Variants in DGKB observed in about 807,000 individuals in gnomAD.
DGKB encodes the protein diacylglycerol kinase beta.
A neutral mutation model predicts 114.3 loss-of-function variants in DGKB; 67 were observed. The ratio of observed to expected loss-of-function variants is 0.59; its 90% CI spans 0.48 to 0.72. The LOEUF (loss-of-function observed/expected upper bound fraction) is 0.72, where lower values mean the gene tolerates loss of function less well. Ranked by LOEUF, DGKB falls within the 30% of genes least tolerant of loss-of-function variation. DGKB has a pLI of 0.00. For missense variants in DGKB, 907 were observed against 975.2 expected (o/e 0.93, Z 0.93); for synonymous variants, 398 against 323.1 (o/e 1.23, Z -2.49).
intron 2 of DGKB, among the ~76,000 whole-genome samples, chr7:14,770,004 G>A (rs1421423539): frequency 6.6e-6 from 1 of 151,982 alleles, no homozygotes; most frequent in African/African-American, 2.4e-5. Flanking sequence ...ACAGTATCCA[G>A]GGCTTAGGAT....
chr7:14,669,157 A>G (rs932957163), intron 13 of DGKB, among the ~76,000 whole-genome samples: 1 of 152,146 alleles, frequency 6.6e-6, no homozygotes, highest in African/African-American at 2.4e-5. Flanking sequence ...AAACAGAAGT[A>G]TTATATCTTT....
chr7:14,871,272 T>C (rs1852412066), intron 1 of DGKB, among the ~76,000 whole-genome samples: 1 of 152,160 alleles, frequency 6.6e-6, no homozygotes, highest in Non-Finnish European at 1.5e-5. Flanking sequence ...TTAAAATCCA[T>C]TCTTTTAGCA....
chr7:14,256,488 G>C (rs925798617), intron 23 of DGKB, among the ~76,000 whole-genome samples: 2 of 150,922 alleles, frequency 1.3e-5, no homozygotes, highest in Non-Finnish European at 3.0e-5. Flanking sequence ...ATTTCATTTT[G>C]ATAGTTTAGA....
chr7:14,276,571 T>A (rs964242571), intron 23 of DGKB, among the ~76,000 whole-genome samples: 1 of 152,050 alleles, frequency 6.6e-6, no homozygotes, highest in Admixed American at 6.6e-5. Flanking sequence ...ATCATATGCA[T>A]GTTAGAAAAA....
chr7:14,300,905 G>A (rs1224737842), intron 23 of DGKB, among the ~76,000 whole-genome samples: 1 of 152,054 alleles, frequency 6.6e-6, no homozygotes, highest in Non-Finnish European at 1.5e-5. Flanking sequence ...TTAGACATTG[G>A]TTTATCAGTC....
chr7:14,618,288 A>T (rs2128809037), intron 15 of DGKB, among the ~76,000 whole-genome samples: 1 of 151,802 alleles, frequency 6.6e-6, no homozygotes, highest in East Asian at 1.9e-4. Flanking sequence ...AATAAGGAAG[A>T]TAAAATAAAG....
intron 2 of DGKB, among the ~76,000 whole-genome samples, chr7:14,828,659 C>T (rs1413237759): frequency 1.3e-5 from 2 of 152,048 alleles, no homozygotes; most frequent in Non-Finnish European, 2.9e-5. Context: ...TGCTTGGGTT[C>T]TGGCAGTAAC....
intron 20 of DGKB, among the ~76,000 whole-genome samples, chr7:14,560,139 T>C (rs755538121): frequency 2.0e-5 from 3 of 152,170 alleles, no homozygotes; most frequent in Non-Finnish European, 4.4e-5. Context: ...AATATTTATA[T>C]TTAGTCTTTC....
At chr7:14,449,598 C>CT (rs1411722159) in intron 21 of DGKB, among the ~76,000 whole-genome samples, 1 of 152,038 alleles carries the variant, frequency 6.6e-6, no homozygotes, top group Non-Finnish European at 1.5e-5. Flanking sequence ...TAACCACCTA[C>CT]TACTTTCAAT....
chr7:14,285,036 A>C (rs1054600401), intron 23 of DGKB, among the ~76,000 whole-genome samples: 5 of 151,696 alleles, frequency 3.3e-5, no homozygotes, highest in African/African-American at 9.7e-5. Context: ...AAAATAATAA[A>C]AAAAAGAAAT....
rs184073171 is a variant in DGKB, at chr7:14,602,113, A to G, written c.1433+5321T>C. 3.3e-5 allele frequency among the ~76,000 whole-genome samples: 5 copies of G among 152,302 alleles called. No homozygotes were observed. The East Asian group carries it at 9.7e-4, about 29-fold the overall frequency. The stretch of plus-strand genomic sequence containing the variant: ...TCTGTCTTAGTCCATTCTAGCAGCT[A>G]TAACAAACTACTTTAGTCTGTAAAG... On this transcript the variant is annotated intron_variant, in intron 17 of 25. Coordinates refer to ENST00000402815, the MANE Select transcript of DGKB (RefSeq NM_001350709.2).
chr7:14,639,427 G>A (rs1165632742), intron 13 of DGKB, among the ~76,000 whole-genome samples: 1 of 152,178 alleles, frequency 6.6e-6, no homozygotes, highest in African/African-American at 2.4e-5. Flanking sequence ...GATGCTGTTG[G>A]TAGCTCAAAG....
intron 1 of DGKB, among the ~76,000 whole-genome samples, chr7:14,922,761 G>A (rs1784572322): frequency 6.6e-6 from 1 of 152,056 alleles, no homozygotes; most frequent in Admixed American, 6.6e-5. Context: ...ATATTTATGA[G>A]ATACAGTGTT....
chr7:14,547,769 A>T (rs1794519731), intron 20 of DGKB, among the ~76,000 whole-genome samples: 2 of 152,178 alleles, frequency 1.3e-5, no homozygotes, highest in Non-Finnish European at 2.9e-5. Context: ...GGTAAGATTA[A>T]ATTAGCTATG....
At chr7:14,881,870 C>T (rs1854286787) in intron 1 of DGKB, among the ~76,000 whole-genome samples, 1 of 152,008 alleles carries the variant, frequency 6.6e-6, no homozygotes, top group African/African-American at 2.4e-5. Flanking sequence ...TTGCCTTGTA[C>T]ACCATTAACC....
At chr7:14,267,928 C>T (rs1045583019) in intron 23 of DGKB, among the ~76,000 whole-genome samples, 2 of 152,106 alleles carry the variant, frequency 1.3e-5, no homozygotes, top group African/African-American at 4.8e-5. Flanking sequence ...AACAATTCTA[C>T]TAACTAGGTT....
intron 9 of DGKB, 47 bp downstream of exon 9, chr7:14,694,028 C>A (rs1302241077): frequency 6.5e-7 from 1 of 1,546,186 alleles, no homozygotes; most frequent in Non-Finnish European, 8.7e-7. Context: ...TAATAGAGAG[C>A]CCCACTGACT....
chr7:14,753,100 G>T (rs17168385), intron 4 of DGKB, among the ~76,000 whole-genome samples: 3,242 of 152,136 alleles, frequency 0.021, 116 homozygotes, highest in African/African-American at 0.074. Context: ...TCATTCTGAT[G>T]TTATAATTGT....
chr7:14,336,624 A>G (rs4141259), intron 23 of DGKB, among the ~76,000 whole-genome samples: 134,803 of 152,170 alleles, frequency 0.89, 60,007 homozygotes, highest in African/African-American at 0.97. Flanking sequence ...GACAGAAAGG[A>G]AAGAGAGCGC....
Sources: allele counts gnomAD v4.1 joint callset (sites outside exome capture counted in the v4.1 genomes callset), GRCh38; gene constraint gnomAD v4.1.1; transcripts MANE v1.5; gene names NCBI Gene and HGNC (gene_info 2026-07-23, HGNC 2026-07-21).